The following BNC2 variants were observed in gnomAD, a reference collection of about 807,000 sequenced individuals.
BNC2 encodes the protein basonuclin zinc finger protein 2.
In BNC2, 20 loss-of-function variants were observed where a neutral mutation model predicts 76.3. The ratio of observed to expected loss-of-function variants is 0.26; its 90% confidence interval spans 0.18 to 0.38. The LOEUF is 0.38. Ranked by LOEUF, BNC2 falls within the 10% of genes least tolerant of loss-of-function variation. The pLI is 1.00. For missense variants in BNC2, 1,382 were observed against 1,399.8 expected, an observed-to-expected ratio of 0.99 and a Z score of 0.20; for synonymous variants, 582 against 514.8, an observed-to-expected ratio of 1.13 and a Z score of -1.77.
intron 3 of BNC2, among the ~76,000 whole-genome samples, chr9:16,657,004 T>C (rs1422688138): frequency 1.3e-5 from 2 of 152,066 alleles, no homozygotes; most frequent in African/African-American, 4.8e-5. Context: ...TAAAGAACGG[T>C]GGAGGCTGAC....
At chr9:16,434,727 T>G in intron 6 of BNC2, 1 of 420,692 alleles carries the variant, frequency 2.4e-6, no homozygotes. Flanking sequence ...TAAGCCCAAC[T>G]GTTTCAGAGC....
chr9:16,704,421 C>G (rs1823600289), intron 3 of BNC2, among the ~76,000 whole-genome samples: 1 of 152,082 alleles, frequency 6.6e-6, no homozygotes, highest in African/African-American at 2.4e-5. Flanking sequence ...GGTTTCACAA[C>G]AAAGTCCCTT....
At chr9:16,817,190 T>G (rs1369628087) in intron 1 of BNC2, among the ~76,000 whole-genome samples, 1 of 152,184 alleles carries the variant, frequency 6.6e-6, no homozygotes, top group Non-Finnish European at 1.5e-5. Flanking sequence ...AGGTAGCCAT[T>G]TGCATACACA....
intron 5 of BNC2, among the ~76,000 whole-genome samples, chr9:16,515,480 C>G (rs1822855623): frequency 6.6e-6 from 1 of 152,148 alleles, no homozygotes; most frequent in African/African-American, 2.4e-5. Flanking sequence ...CCGCCCTCTT[C>G]CCTGTTCTAT....
intron 1 of BNC2, among the ~76,000 whole-genome samples, chr9:16,786,859 C>T (rs1337528053): frequency 6.6e-6 from 1 of 152,130 alleles, no homozygotes; most frequent in African/African-American, 2.4e-5. Flanking sequence ...AATTCCCTTC[C>T]CCCATCCCAA....
At chr9:16,618,010 AACTCTAAAATG>A (rs1447964927) in intron 3 of BNC2, among the ~76,000 whole-genome samples, 2 of 152,202 alleles carry the variant, frequency 1.3e-5, no homozygotes, top group East Asian at 3.9e-4. Context: ...GCCTGGACTG[AACTCTAAAATG>A]GAGCGCCACT....
chr9:16,790,494 A>T (rs1817475089), intron 1 of BNC2, among the ~76,000 whole-genome samples: 1 of 152,240 alleles, frequency 6.6e-6, no homozygotes, highest in Admixed American at 6.5e-5. Flanking sequence ...TAGTAGTTTC[A>T]ATGGGAATGC....
At chr9:16,787,745 C>G (rs1370711186) in intron 1 of BNC2, among the ~76,000 whole-genome samples, 2 of 152,120 alleles carry the variant, frequency 1.3e-5, no homozygotes, top group East Asian at 1.9e-4. Context: ...AGACGAGGGT[C>G]TCACTTTGTT....
At chr9:16,501,668 C>T (rs1445274177) in intron 5 of BNC2, among the ~76,000 whole-genome samples, 1 of 152,084 alleles carries the variant, frequency 6.6e-6, no homozygotes, top group Non-Finnish European at 1.5e-5. Context: ...CATAGAAAAT[C>T]TAAGAAGCAT....
At chr9:16,552,937 CCTTT>C (rs1163047295) in intron 4 of BNC2, among the ~76,000 whole-genome samples, 172 bp from the exon 5 acceptor site, 1 of 152,168 alleles carries the variant, frequency 6.6e-6, no homozygotes, top group Non-Finnish European at 1.5e-5. Flanking sequence ...TCTGACACCT[CCTTT>C]CTGTTTTACC....
intron 3 of BNC2, among the ~76,000 whole-genome samples, chr9:16,677,704 T>C (rs977428099): frequency 1.3e-5 from 2 of 152,098 alleles, no homozygotes; most frequent in Admixed American, 1.3e-4. Flanking sequence ...CTTCCTCCTG[T>C]GTCCGGAGTT....
intron 1 of BNC2, among the ~76,000 whole-genome samples, chr9:16,829,373 C>T (rs1818528474): frequency 6.6e-6 from 1 of 152,176 alleles, no homozygotes; most frequent in African/African-American, 2.4e-5. Flanking sequence ...CATATGCATA[C>T]TCAAGCACTC....
chr9:16,695,862 C>CAAGCA (rs55763604), intron 3 of BNC2, among the ~76,000 whole-genome samples: 93,203 of 151,454 alleles, frequency 0.62, 31,694 homozygotes, highest in Non-Finnish European at 0.79. Flanking sequence ...TCGAGCTAAA[C>CAAGCA]AAGCAAATAG....
chr9:16,862,865 G>A (rs1426866097), intron 1 of BNC2, among the ~76,000 whole-genome samples: 1 of 151,250 alleles, frequency 6.6e-6, no homozygotes, highest in Non-Finnish European at 1.5e-5. Flanking sequence ...AAGGTCACCA[G>A]CCTTAGATGA....
chr9:16,684,739 G>A (rs2134338297), intron 3 of BNC2, among the ~76,000 whole-genome samples: 1 of 152,092 alleles, frequency 6.6e-6, no homozygotes, highest in South Asian at 2.1e-4. Context: ...CTGCATCTTT[G>A]CATTGGCACA....
intron 3 of BNC2, among the ~76,000 whole-genome samples, chr9:16,637,071 A>G (rs1322031788): frequency 2.0e-5 from 3 of 151,692 alleles, no homozygotes; most frequent in Non-Finnish European, 4.4e-5. Context: ...TCTTCTTGCC[A>G]TATAGAAAGA....
At chr9:16,524,012 C>T (rs889344507) in intron 5 of BNC2, among the ~76,000 whole-genome samples, 2 of 151,930 alleles carry the variant, frequency 1.3e-5, no homozygotes, top group Non-Finnish European at 2.9e-5. Context: ...TAGCTTCACC[C>T]AAAAAAACAA....
chr9:16,598,122 A>T (rs1276194849), intron 3 of BNC2, among the ~76,000 whole-genome samples: 1 of 152,196 alleles, frequency 6.6e-6, no homozygotes. Context: ...CGTGCTAGAC[A>T]CTTTACATTT....
At chr9:16,601,727 T>C (rs568829093) in intron 3 of BNC2, among the ~76,000 whole-genome samples, 1 of 152,228 alleles carries the variant, frequency 6.6e-6, no homozygotes, top group East Asian at 1.9e-4. Context: ...TATAAATGAT[T>C]AATATGACTA....
Sources: gnomAD v4.1 joint callset for allele counts (sites outside exome capture counted in the v4.1 genomes callset) on GRCh38, gnomAD v4.1.1 for gene constraint, MANE v1.5 for transcripts, NCBI Gene and HGNC (gene_info 2026-07-23, HGNC 2026-07-21) for gene names.